Variants in MRPL48 observed in about 807,000 individuals in gnomAD.
MRPL48 encodes mitochondrial ribosomal protein L48.
A neutral mutation model predicts 32.9 loss-of-function variants in MRPL48; 16 were observed. The observed-to-expected ratio is 0.49, with a 90% confidence interval of 0.33 to 0.74. The LOEUF is 0.74. Ranked by LOEUF, MRPL48 falls within the 30% of genes least tolerant of loss-of-function variation. MRPL48 has a pLI of 0.02. For missense variants in MRPL48, 206 were observed against 245.3 expected (o/e 0.84, Z 1.07); for synonymous variants, 94 against 89.2 (o/e 1.05, Z -0.31).
At chr11:73,814,289 C>T (rs967096357) in intron 3 of MRPL48, among the ~76,000 whole-genome samples, 2 of 151,466 alleles carry the variant, frequency 1.3e-5, no homozygotes, top group Non-Finnish European at 2.9e-5. Context: ...ACTCAGAAGA[C>T]GAAGACTGAG....
chr11:73,839,291 C>T (rs996131102), intron 4 of MRPL48, among the ~76,000 whole-genome samples: 4 of 152,148 alleles, frequency 2.6e-5, no homozygotes, highest in African/African-American at 9.7e-5. Context: ...AACAATGCTG[C>T]TGTGGAAGCC....
At chr11:73,845,422 C>CA (rs1288307605) in intron 5 of MRPL48, among the ~76,000 whole-genome samples, 2 of 152,192 alleles carry the variant, frequency 1.3e-5, no homozygotes, top group Non-Finnish European at 2.9e-5. Context: ...CAAATGCATT[C>CA]ATAATGTTAT....
chr11:73,849,295 C>G (rs1948348862), intron 5 of MRPL48, among the ~76,000 whole-genome samples: 1 of 151,984 alleles, frequency 6.6e-6, no homozygotes, highest in Non-Finnish European at 1.5e-5. Context: ...CCCCACCACA[C>G]CCGGCTTATG....
chr11:73,791,708 T>C (rs975608234), intron 1 of MRPL48, among the ~76,000 whole-genome samples: 17 of 152,184 alleles, frequency 1.1e-4, no homozygotes, highest in African/African-American at 3.9e-4. Flanking sequence ...CGTGAGCCAC[T>C]GTGCCAGGTT....
At chr11:73,834,832 G>T (rs1187362936) in intron 4 of MRPL48, among the ~76,000 whole-genome samples, 2 of 147,160 alleles carry the variant, frequency 1.4e-5, no homozygotes, top group Non-Finnish European at 1.5e-5. Context: ...ACCATGTCTG[G>T]CCTGTTTTTT....
chr11:73,834,526 TG>T (rs202241986), intron 4 of MRPL48, among the ~76,000 whole-genome samples: 1 of 109,210 alleles, frequency 9.2e-6, no homozygotes, highest in Non-Finnish European at 1.8e-5. Context: ...TTGTTTTTGC[TG>T]GTTTTTTTTT....
intron 5 of MRPL48, among the ~76,000 whole-genome samples, chr11:73,854,022 C>G (rs1330250887): frequency 2.0e-5 from 3 of 152,088 alleles, no homozygotes; most frequent in African/African-American, 7.2e-5. Context: ...TGGCAAAGAA[C>G]ATTAAATGTC....
chr11:73,814,724 T>A (rs960451683), intron 3 of MRPL48, among the ~76,000 whole-genome samples: 5 of 147,962 alleles, frequency 3.4e-5, no homozygotes, highest in Admixed American at 1.4e-4. Flanking sequence ...CTGGGTGCGG[T>A]GGCTCATGCT....
At position 73,787,933 on chromosome 11, in the gene MRPL48, C is replaced by G; in HGVS notation, c.-39C>G. 1 of 1,608,316 alleles carries G rather than the reference C, an allele frequency of 6.2e-7. No homozygotes were observed. On this transcript the variant is annotated 5_prime_UTR_variant, in exon 1 of 8. Coordinates refer to ENST00000310614, the MANE Select transcript of MRPL48 (RefSeq NM_016055.6). Reference sequence around the variant, plus strand: ...TGGGAACGCGGCTGCAGGGTCCGGTCTTCGGTTTGCACAGCTAGAGGCCGC... The same window carrying G: ...TGGGAACGCGGCTGCAGGGTCCGGTGTTCGGTTTGCACAGCTAGAGGCCGC...
At chr11:73,822,090 C>T (rs557121732) in intron 3 of MRPL48, among the ~76,000 whole-genome samples, 15 of 152,114 alleles carry the variant, frequency 9.9e-5, no homozygotes, top group South Asian at 2.1e-4. Flanking sequence ...GTCTAGAGCC[C>T]GAAGTTGCAA....
chr11:73,790,775 C>A lies in MRPL48; in HGVS notation c.21+2783C>A, dbSNP rs1483984325. On this transcript the variant is annotated intron_variant, in intron 1 of 7. Transcript: ENST00000310614. ...CTCCTGGCTTCAAGCAGTCCTCCCA[C>A]CTTGGCCTCCCAAAGTTCTGGGATT... Among the ~76,000 whole-genome samples the A allele has an allele frequency of 3.9e-5, 6 of 152,074 alleles. No homozygotes were observed. The East Asian group carries it at 1.2e-3, about 29-fold the overall frequency.
intron 3 of MRPL48, among the ~76,000 whole-genome samples, chr11:73,820,020 A>C (rs1947745838): frequency 6.6e-6 from 1 of 152,242 alleles, no homozygotes; most frequent in African/African-American, 2.4e-5. Context: ...GACGGAATAG[A>C]GGAGAGGGAT....
At chr11:73,812,013 G>A (rs1947575477) in intron 3 of MRPL48, among the ~76,000 whole-genome samples, 1 of 152,042 alleles carries the variant, frequency 6.6e-6, no homozygotes, top group South Asian at 2.1e-4. Flanking sequence ...AGCCTCCCAA[G>A]TAGCTGGGAC....
intron 3 of MRPL48, among the ~76,000 whole-genome samples, chr11:73,822,360 A>G (rs2135002969): frequency 6.6e-6 from 1 of 152,258 alleles, no homozygotes; most frequent in South Asian, 2.1e-4. Flanking sequence ...GTGTCCATTA[A>G]AGTACTTAGT....
Position 73,844,730 on chromosome 11 carries a change from T to C in MRPL48, c.202-77T>C, listed in dbSNP as rs545451011. On this transcript the variant is annotated intron_variant, in intron 4 of 7. Transcript: ENST00000310614. Reference sequence around the variant, plus strand: ...ACAAATTTATTAGAAAGATTGACTTTTTAAAATATCAAGATAGTATTATTA... The same window carrying C: ...ACAAATTTATTAGAAAGATTGACTTCTTAAAATATCAAGATAGTATTATTA... The C allele has an allele frequency of 3.4e-6, 5 of 1,452,088 alleles. No individual in the cohort carries two copies. In the East Asian group the frequency reaches 1.3e-4, roughly 37 times the overall value. 90.0% of individuals were successfully genotyped at this position (1,452,088 alleles called of 1,614,324 possible). A position where few individuals can be genotyped will look rare whatever the true frequency, so the allele number is the denominator to read the frequency against.
In MRPL48 at chr11:73,853,234, A is replaced by G. The variant is rs145749564; in HGVS notation, c.372-6673A>G. ...TTTAATTGTACATTTACAAATAACT[A>G]AAAGAGTATAGTTGGATTGTTTGTA... On this transcript the variant is annotated intron_variant, in intron 5 of 7. Coordinates refer to ENST00000310614, the MANE Select transcript of MRPL48 (RefSeq NM_016055.6). 9.8e-3 allele frequency among the ~76,000 whole-genome samples: 1,497 copies of G among 152,344 alleles called. 22 individuals are homozygous for G. The highest frequency in any genetic ancestry group is 0.037 in the Middle Eastern group (11 of 294).
intron 1 of MRPL48, among the ~76,000 whole-genome samples, chr11:73,800,592 C>T (rs1275507834): frequency 6.6e-6 from 1 of 152,078 alleles, no homozygotes; most frequent in Non-Finnish European, 1.5e-5. Flanking sequence ...CTGGCGTCAC[C>T]ATCCTCCTCT....
chr11:73,850,162 A>G (rs1425853394), intron 5 of MRPL48, among the ~76,000 whole-genome samples: 1 of 151,946 alleles, frequency 6.6e-6, no homozygotes, highest in African/African-American at 2.4e-5. Context: ...GTAGTACATG[A>G]TATAGTATGT....
intron 5 of MRPL48, among the ~76,000 whole-genome samples, chr11:73,855,684 C>T (rs372624637): frequency 6.6e-5 from 10 of 152,102 alleles, no homozygotes; most frequent in African/African-American, 9.7e-5. Flanking sequence ...GACGGGGTTT[C>T]GCCATCTTGG....
Sources: gnomAD v4.1 joint callset for allele counts (sites outside exome capture counted in the v4.1 genomes callset) on GRCh38, gnomAD v4.1.1 for gene constraint, MANE v1.5 for transcripts, NCBI Gene and HGNC (gene_info 2026-07-23, HGNC 2026-07-21) for gene names.